Variants in CDK5RAP1 observed in about 807,000 individuals in gnomAD.
CDK5RAP1 encodes the protein mitochondrial tRNA methylthiotransferase CDK5RAP1.
CDK5RAP1 carries 62 observed loss-of-function variants against 64.5 expected under a neutral mutation model. That is an observed-to-expected ratio of 0.96 (90% CI 0.78 to 1.19). CDK5RAP1 has a LOEUF of 1.19. Ranked by LOEUF, CDK5RAP1 falls within the 50% of genes most tolerant of loss-of-function variation. The probability of loss-of-function intolerance (pLI) is 0.00; values close to 1 mark genes in which losing one functional copy is unlikely to be tolerated. For missense variants in CDK5RAP1, 657 were observed against 735.0 expected (o/e 0.89, Z 1.23); for synonymous variants, 250 against 261.9 (o/e 0.95, Z 0.44).
At chr20:33,389,392 C>T (rs1253276180) in intron 5 of CDK5RAP1, among the ~76,000 whole-genome samples, 1 of 151,090 alleles carries the variant, frequency 6.6e-6, no homozygotes, top group African/African-American at 2.4e-5. Flanking sequence ...GCGCGGCAGC[C>T]GCCCCGTCTG....
intron 7 of CDK5RAP1, among the ~76,000 whole-genome samples, chr20:33,381,356 C>T: frequency 6.6e-6 from 1 of 152,148 alleles, no homozygotes; most frequent in Non-Finnish European, 1.5e-5. Context: ...AATATTGATA[C>T]AACACTATTA....
chr20:33,383,054 A>T (rs991741263), intron 7 of CDK5RAP1, among the ~76,000 whole-genome samples: 1 of 145,406 alleles, frequency 6.9e-6, no homozygotes, highest in Non-Finnish European at 1.5e-5. Flanking sequence ...AGTGGTGCAC[A>T]CCTGTAATTC....
chr20:33,379,334 T>G, intron 8 of CDK5RAP1, 127 bp downstream of exon 8: 1 of 653,784 alleles, frequency 1.5e-6, no homozygotes, highest in South Asian at 1.9e-5. Flanking sequence ...ATCTGGAGGG[T>G]GATGCAGCAA....
rs971282266 is a variant in CDK5RAP1 at position 33,361,825 on chromosome 20, G to A, written c.1543-1334C>T. On this transcript the variant is annotated intron_variant, in intron 12 of 13. Transcript: ENST00000346416. ...ACAAAAATTAGCCGGGTGTGGTGGCGCACATCTGTAGTCCCAGTGACTCGG... is the reference window on the plus strand; with the variant it reads ...ACAAAAATTAGCCGGGTGTGGTGGCACACATCTGTAGTCCCAGTGACTCGG... Among the ~76,000 whole-genome samples, 4 of 151,782 alleles carry A rather than the reference G, an allele frequency of 2.6e-5. No individual in the cohort carries two copies. The South Asian group carries it at 8.3e-4, about 32-fold the overall frequency.
intron 7 of CDK5RAP1, among the ~76,000 whole-genome samples, chr20:33,380,981 C>G (rs1452193003): frequency 6.6e-6 from 1 of 152,182 alleles, no homozygotes; most frequent in African/African-American, 2.4e-5. Flanking sequence ...GCCTGGGCAA[C>G]AGAGCGAGAC....
Position 33,360,351 on chromosome 20 carries a change from C to T in CDK5RAP1, c.1683G>A (p.Lys561=). Residue 561 remains lysine, a splice_region_variant and synonymous_variant, in exon 13 of 14, where the codon AAG becomes AAA. Coordinates refer to ENST00000346416, the MANE Select transcript of CDK5RAP1 (RefSeq NM_016408.4). The stretch of plus-strand genomic sequence containing the variant: ...CCAAAAGCCCAAAAGGACTCCTCAC[C>T]TTCACCAGCACATAGTCCCCAGGCT... The part of the protein sequence containing the change: ...RAQPGDYVLV[K]ITSASSQTLR... The T allele has an allele frequency of 6.2e-7, 1 of 1,613,788 alleles. No homozygotes were observed. The highest frequency in any genetic ancestry group is 8.5e-7 in the Non-Finnish European group (1 of 1,179,920).
chr20:33,360,370 C>A lies in CDK5RAP1; in HGVS notation c.1664G>T (p.Gly555Val), dbSNP rs1982676497. ...CCTCACCTTCACCAGCACATAGTCC[C>A]CAGGCTGGGCTCTGACCCTGAGCCC... Reference protein sequence around the residue: ...NPGLRVRAQPGDYVLVKITSA... With the variant: ...NPGLRVRAQPVDYVLVKITSA... Residue 555 changes from glycine (G) to valine (V), a missense_variant, in exon 13 of 14, where the codon GGG becomes GTG. Coordinates refer to ENST00000346416, the MANE Select transcript of CDK5RAP1 (RefSeq NM_016408.4). The A allele has an allele frequency of 6.2e-7, 1 of 1,614,132 alleles. No individual in the cohort carries two copies. The highest frequency in any genetic ancestry group is 8.5e-7 in the Non-Finnish European group (1 of 1,180,002).
chr20:33,368,926 G>T (rs1984512103), intron 11 of CDK5RAP1, among the ~76,000 whole-genome samples: 1 of 151,298 alleles, frequency 6.6e-6, no homozygotes, highest in Non-Finnish European at 1.5e-5. Context: ...GGATCACAAG[G>T]TCGAGAGATC....
At chr20:33,400,864 G>A (rs548105835) in intron 1 of CDK5RAP1, among the ~76,000 whole-genome samples, 1 of 152,256 alleles carries the variant, frequency 6.6e-6, no homozygotes, top group South Asian at 2.1e-4. Context: ...CCCCACTGCT[G>A]CCAAGCCAGC....
intron 8 of CDK5RAP1, among the ~76,000 whole-genome samples, chr20:33,376,162 T>C (rs948058108): frequency 2.6e-5 from 4 of 151,932 alleles, no homozygotes; most frequent in African/African-American, 9.7e-5. Flanking sequence ...AAGTCTCTGC[T>C]AAGAATACAA....
At chr20:33,371,351 C>T (rs1984986331) in intron 10 of CDK5RAP1, among the ~76,000 whole-genome samples, 1 of 152,180 alleles carries the variant, frequency 6.6e-6, no homozygotes, top group African/African-American at 2.4e-5. Flanking sequence ...CTCCATTTTA[C>T]AGATGAGAAA....
In CDK5RAP1 at chr20:33,401,413, G is replaced by A. The variant is rs1486396091; in HGVS notation, c.-21+15C>T. The A allele has an allele frequency of 2.0e-6, 2 of 985,460 alleles. No individual in the cohort carries two copies. The highest frequency in any genetic ancestry group is 2.4e-6 in the Non-Finnish European group (2 of 829,966). The allele number at this position is 985,460 out of a possible 1,614,324, so 61.0% of individuals were successfully genotyped here. A position where few individuals can be genotyped will look rare whatever the true frequency, so the allele number is the denominator to read the frequency against. On this transcript the variant is annotated intron_variant, in intron 1 of 13. Transcript: ENST00000346416. ...AAGCGGGTGCGCAGCCCACCCCGGCGGCCGCGCTGCTCACCTCCCGCAGCA... is the reference window on the plus strand; with the variant it reads ...AAGCGGGTGCGCAGCCCACCCCGGCAGCCGCGCTGCTCACCTCCCGCAGCA...
At chr20:33,394,939 T>C (rs1321961984) in intron 3 of CDK5RAP1, 74 bp downstream of exon 3, 10 of 912,502 alleles carry the variant, frequency 1.1e-5, no homozygotes, top group Non-Finnish European at 1.8e-5. Flanking sequence ...CTCCTGAAAC[T>C]ACACCTAAGA....
At chr20:33,397,935 T>A (rs1315068608) in intron 1 of CDK5RAP1, among the ~76,000 whole-genome samples, 1 of 151,992 alleles carries the variant, frequency 6.6e-6, no homozygotes, top group Non-Finnish European at 1.5e-5. Context: ...GAAGTTGCTA[T>A]GAACCGAGAT....
chr20:33,391,551 G>A (rs1452513969), intron 5 of CDK5RAP1, among the ~76,000 whole-genome samples: 1 of 152,190 alleles, frequency 6.6e-6, no homozygotes, highest in Non-Finnish European at 1.5e-5. Context: ...GCCAGGCACG[G>A]TGGCTCATGC....
In CDK5RAP1 at chr20:33,370,627, C is replaced by T. The variant is rs747323110; in HGVS notation, c.1264G>A (p.Val422Met). Residue 422 changes from valine (V) to methionine (M), a missense_variant and splice_region_variant, in exon 11 of 14, where the codon GTG (valine) becomes ATG (methionine). Coordinates refer to ENST00000346416, the MANE Select transcript of CDK5RAP1 (RefSeq NM_016408.4). ...VHHIRESIPG[V>M]SLSSDFIAGF... ...GCAATGAAATCGCTGCTGAGGCTCA[C>T]ACCTGTGATACACAGCAAAGGATGA... The T allele has an allele frequency of 1.9e-6, 3 of 1,614,206 alleles. No homozygotes were observed. The highest frequency in any genetic ancestry group is 1.7e-6 in the Non-Finnish European group (2 of 1,180,032).
chr20:33,360,785 A>G (rs956424138), intron 12 of CDK5RAP1, among the ~76,000 whole-genome samples: 1 of 152,274 alleles, frequency 6.6e-6, no homozygotes, highest in Non-Finnish European at 1.5e-5. Context: ...GCCTAAAGCC[A>G]GAGACTTATG....
At position 33,370,599 on chromosome 20, in the gene CDK5RAP1, C is replaced by T; in HGVS notation, c.1292G>A (p.Gly431Asp). Residue 431 changes from glycine (G) to aspartate (D), a missense_variant, in exon 11 of 14, where the codon GGC becomes GAC. Transcript: ENST00000346416. ...GVSLSSDFIA[G>D]FCGETEEDHV... Reference sequence around the variant, plus strand: ...ATCTTCCTCCGTCTCACCACAAAAGCCAGCAATGAAATCGCTGCTGAGGCT... The same window carrying T: ...ATCTTCCTCCGTCTCACCACAAAAGTCAGCAATGAAATCGCTGCTGAGGCT... 1 of 1,614,170 alleles carries T rather than the reference C, an allele frequency of 6.2e-7. No individual in the cohort carries two copies. Among genetic ancestry groups the T allele is most frequent in the Non-Finnish European group, 8.5e-7 (1 of 1,180,022 alleles).
chr20:33,392,539 C>A (rs1484218172), intron 4 of CDK5RAP1, among the ~76,000 whole-genome samples: 1 of 134,446 alleles, frequency 7.4e-6, no homozygotes, highest in Non-Finnish European at 1.6e-5. Flanking sequence ...CAAGACAATT[C>A]TTCTTCTTCT....
Sources: allele counts gnomAD v4.1 joint callset (sites outside exome capture counted in the v4.1 genomes callset), GRCh38; gene constraint gnomAD v4.1.1; transcripts MANE v1.5; gene names NCBI Gene and HGNC (gene_info 2026-07-23, HGNC 2026-07-21).